TRIO: variants seen among roughly 807,000 people sequenced by gnomAD.
TRIO encodes trio Rho guanine nucleotide exchange factor.
A neutral mutation model predicts 351.9 loss-of-function variants in TRIO; 58 were observed. The observed-to-expected ratio is 0.16, with a 90% CI of 0.13 to 0.21. The LOEUF (loss-of-function observed/expected upper bound fraction) is 0.21. TRIO is among the 10% of genes least tolerant of loss of function. TRIO has a pLI of 1.00. For missense variants in TRIO, 3,201 were observed against 4,027.8 expected (o/e 0.79, Z 5.56); for synonymous variants, 1,758 against 1,595.7 (o/e 1.10, Z -2.42).
chr5:14,286,901 G>C lies in TRIO; in HGVS notation c.378G>C (p.Val126=). 1 of 1,613,910 alleles carries C rather than the reference G, an allele frequency of 6.2e-7. No individual in the cohort carries two copies. Among genetic ancestry groups the C allele is most frequent in the Non-Finnish European group, 8.5e-7 (1 of 1,179,874 alleles). The part of the protein sequence containing the change: ...SEEVCKRGFT[V]IVDMRGSKWD... The stretch of plus-strand genomic sequence containing the variant: ...AGGTCTGCAAGCGTGGCTTCACGGT[G>C]ATCGTGGACATGCGTGGGTCCAAGT... The change falls in exon 4 of 57, where the codon GTG becomes GTC. Residue 126 remains valine (V), a synonymous_variant. Coordinates refer to ENST00000344204, the MANE Select transcript of TRIO (RefSeq NM_007118.4). This position sits in a 1 kb window ranked among gnomAD's most constrained non-coding sequence, Gnocchi z 4.4.
At chr5:14,413,626 A>G (rs1749385541) in intron 33 of TRIO, among the ~76,000 whole-genome samples, 2 of 152,230 alleles carry the variant, frequency 1.3e-5, no homozygotes, top group South Asian at 2.1e-4. Context: ...GTTCTCTCAT[A>G]AAACCACAAA....
At chr5:14,157,269 G>A (rs1010249221) in intron 1 of TRIO, among the ~76,000 whole-genome samples, 10 of 152,342 alleles carry the variant, frequency 6.6e-5, no homozygotes, top group African/African-American at 2.4e-4. Flanking sequence ...TTCTGCCTCA[G>A]TGCGGGATTT....
At chr5:14,492,960 G>A in intron 49 of TRIO, 146 bp downstream of exon 49, 1 of 1,288,622 alleles carries the variant, frequency 7.8e-7, no homozygotes, top group South Asian at 1.5e-5. Context: ...TGAGCACGTG[G>A]GAAGATGGGT....
intron 8 of TRIO, among the ~76,000 whole-genome samples, chr5:14,314,344 A>G (rs1470497505): frequency 1.3e-5 from 2 of 152,254 alleles, no homozygotes; most frequent in African/African-American, 2.4e-5. Flanking sequence ...GCCTAAATAC[A>G]TCTATTGTAG....
chr5:14,309,108 C>T (rs1581586851), intron 8 of TRIO, among the ~76,000 whole-genome samples: 2 of 126,170 alleles, frequency 1.6e-5, no homozygotes, highest in South Asian at 2.9e-4. Context: ...TCTACACATG[C>T]ACATACACAT....
intron 1 of TRIO, among the ~76,000 whole-genome samples, chr5:14,229,124 A>C (rs930074994): frequency 2.0e-5 from 3 of 152,210 alleles, no homozygotes; most frequent in Non-Finnish European, 2.9e-5. Context: ...AATAGGTTTA[A>C]GATACAACTA....
intron 34 of TRIO, among the ~76,000 whole-genome samples, chr5:14,426,523 A>G (rs2152394296): frequency 6.6e-6 from 1 of 152,336 alleles, no homozygotes; most frequent in Middle Eastern, 3.4e-3. Context: ...GAAGACCCAC[A>G]AGGAACTGTC....
chr5:14,283,111 A>T lies in TRIO; in HGVS notation c.347+2675A>T, dbSNP rs577432616. 3.0e-4 allele frequency among the ~76,000 whole-genome samples: 45 copies of T among 152,332 alleles called. No individual in the cohort carries two copies. In the South Asian group the frequency reaches 3.3e-3, roughly 11 times the overall value. On this transcript the variant is annotated intron_variant, in intron 3 of 56. Transcript: ENST00000344204. ...GATACAGATTTCACCAATCTGTAAA[A>T]ATCATCAGCAAATTACTGGTGTGTG...
chr5:14,406,766 C>A, intron 33 of TRIO, 94 bp downstream of exon 33: 1 of 1,289,168 alleles, frequency 7.8e-7, no homozygotes, highest in Non-Finnish European at 1.1e-6. Context: ...AGTTTGTCAT[C>A]AACATTTTCA....
intron 1 of TRIO, among the ~76,000 whole-genome samples, chr5:14,268,230 C>A (rs943873237): frequency 3.3e-5 from 5 of 152,130 alleles, no homozygotes; most frequent in African/African-American, 1.2e-4. Flanking sequence ...TTTTCTGCAC[C>A]CTACTTTCAA....
intron 1 of TRIO, among the ~76,000 whole-genome samples, chr5:14,268,587 G>A (rs1581488984): frequency 1.3e-5 from 2 of 152,140 alleles, no homozygotes; most frequent in African/African-American, 4.8e-5. Flanking sequence ...GGAAGCATGC[G>A]TTTTCTCATC....
chr5:14,344,083 G>C (rs1365594446), intron 11 of TRIO, among the ~76,000 whole-genome samples: 1 of 152,260 alleles, frequency 6.6e-6, no homozygotes, highest in South Asian at 2.1e-4. Flanking sequence ...CTCTCTATAT[G>C]CTTTTACACA....
At chr5:14,319,089 G>A (rs775931902) in intron 9 of TRIO, among the ~76,000 whole-genome samples, 9 of 152,168 alleles carry the variant, frequency 5.9e-5, no homozygotes, top group African/African-American at 9.7e-5. Flanking sequence ...CATGTAGAAA[G>A]GTAATTATAA....
At chr5:14,236,083 T>C (rs1793748869) in intron 1 of TRIO, among the ~76,000 whole-genome samples, 1 of 152,074 alleles carries the variant, frequency 6.6e-6, no homozygotes, top group Non-Finnish European at 1.5e-5. Flanking sequence ...GAAACCAAGC[T>C]TGTGTTACTG....
At chr5:14,506,292 C>T (rs1029406485) in intron 55 of TRIO, among the ~76,000 whole-genome samples, 2 of 152,212 alleles carry the variant, frequency 1.3e-5, no homozygotes, top group Admixed American at 6.6e-5. Context: ...TAATAGGATC[C>T]GTTTTCATGA....
At chr5:14,215,752 G>T (rs1485480570) in intron 1 of TRIO, among the ~76,000 whole-genome samples, 2 of 152,186 alleles carry the variant, frequency 1.3e-5, no homozygotes, top group Non-Finnish European at 2.9e-5. Flanking sequence ...AATGGCGTGG[G>T]TTAAGTTCTA....
At chr5:14,218,698 G>A (rs1480597409) in intron 1 of TRIO, among the ~76,000 whole-genome samples, 1 of 152,222 alleles carries the variant, frequency 6.6e-6, no homozygotes, top group Non-Finnish European at 1.5e-5. Flanking sequence ...AAGCCCAGTG[G>A]GGCAGGTGAG....
intron 9 of TRIO, among the ~76,000 whole-genome samples, chr5:14,319,275 C>T (rs1229353659): frequency 6.6e-6 from 1 of 152,116 alleles, no homozygotes; most frequent in African/African-American, 2.4e-5. Flanking sequence ...GATGAATGAT[C>T]TGGAATGGTC....
At chr5:14,500,938 T>C (rs1561567153) in intron 53 of TRIO, among the ~76,000 whole-genome samples, 2 of 149,622 alleles carry the variant, frequency 1.3e-5, no homozygotes, top group African/African-American at 4.9e-5. Flanking sequence ...GAAAGGTGTG[T>C]TTTAGAGGAG....
Sources: allele counts gnomAD v4.1 joint callset (sites outside exome capture counted in the v4.1 genomes callset), GRCh38; gene constraint gnomAD v4.1.1; non-coding constraint Gnocchi (gnomAD v3.1); transcripts MANE v1.5; gene names NCBI Gene and HGNC (gene_info 2026-07-23, HGNC 2026-07-21).